MBD2: variants seen among roughly 807,000 people sequenced by gnomAD.
The protein encoded by MBD2 is methyl-CpG binding domain protein 2.
Under a neutral mutation model 39.3 loss-of-function variants are expected in MBD2, and 9 were observed. The ratio of observed to expected loss-of-function variants is 0.23; its 90% confidence interval spans 0.14 to 0.40. The LOEUF is 0.40. MBD2 is among the 10% of genes least tolerant of loss of function. MBD2 has a pLI of 1.00. For missense variants in MBD2, 458 were observed against 532.6 expected (o/e 0.86, Z 1.38); for synonymous variants, 233 against 211.1 (o/e 1.10, Z -0.90).
chr18:54,221,450 T>C lies in MBD2; in HGVS notation c.542+2568A>G, dbSNP rs1194178977. Among the ~76,000 whole-genome samples the C allele has an allele frequency of 7.4e-4, 80 of 107,448 alleles. 1 individual carries two copies. In the South Asian group the frequency reaches 0.02, roughly 27 times the overall value. 70.5% of individuals were successfully genotyped at this position (107,448 alleles called of 152,430 possible). On this transcript the variant is annotated intron_variant, in intron 1 of 6. Coordinates refer to ENST00000256429, the MANE Select transcript of MBD2 (RefSeq NM_003927.5). ...TCCAGCCTGGGCAACAGAGCAAGAC[T>C]CCGTCTCAAAAAAAAAAAAAAATTA...
intron 4 of MBD2, among the ~76,000 whole-genome samples, chr18:54,165,574 C>T (rs554628888): frequency 6.6e-6 from 1 of 152,302 alleles, no homozygotes; most frequent in East Asian, 1.9e-4. Context: ...GAGTTTTCCA[C>T]CCCAGATCCC....
intron 1 of MBD2, among the ~76,000 whole-genome samples, chr18:54,223,497 T>A (rs1327542252): frequency 1.3e-5 from 2 of 152,180 alleles, no homozygotes; most frequent in African/African-American, 4.8e-5. Flanking sequence ...TGTGTCAGTT[T>A]CAAAAGAGTA....
chr18:54,210,732 G>GC (rs760985893), intron 1 of MBD2, among the ~76,000 whole-genome samples: 4 of 152,072 alleles, frequency 2.6e-5, no homozygotes, highest in Non-Finnish European at 4.4e-5. Context: ...TAGCTAAACA[G>GC]CATGTTCAGA....
chr18:54,163,594 G>A (rs2086111109), intron 5 of MBD2, among the ~76,000 whole-genome samples: 1 of 152,034 alleles, frequency 6.6e-6, no homozygotes. Context: ...CTACCAATCT[G>A]AGCTGGATGT....
chr18:54,171,824 A>T (rs975895133), intron 3 of MBD2, among the ~76,000 whole-genome samples: 2 of 152,242 alleles, frequency 1.3e-5, no homozygotes, highest in African/African-American at 4.8e-5. Flanking sequence ...TATTACTCCC[A>T]TTTACAGATA....
At position 54,164,642 on chromosome 18, in the gene MBD2, G is replaced by C. The variant is rs77556742; in HGVS notation, c.990C>G (p.His330Gln). The C allele has an allele frequency of 6.2e-7, 1 of 1,614,094 alleles. No individual in the cohort carries two copies. Among genetic ancestry groups the C allele is most frequent in the Non-Finnish European group, 8.5e-7 (1 of 1,179,960 alleles). Residue 330 changes from histidine (H) to glutamine (Q), a missense_variant, in exon 5 of 7, where the codon CAC (histidine) becomes CAG (glutamine). Transcript: ENST00000256429. ...TLLSAVASAL[H>Q]TSSAPITGQV... is the part of the protein sequence containing the mutation. ...GCCCTGTGATTGGCGCAGAGCTTGT[G>C]TGCAAAGCACTGGCAACAGCAGATA...
At chr18:54,194,748 G>A (rs929991128) in intron 2 of MBD2, among the ~76,000 whole-genome samples, 5 of 151,976 alleles carry the variant, frequency 3.3e-5, no homozygotes, top group Admixed American at 2.0e-4. Flanking sequence ...TTTATTCCAC[G>A]CCATTCAAAT....
chr18:54,189,833 A>G (rs560588887), intron 2 of MBD2, among the ~76,000 whole-genome samples: 3 of 151,830 alleles, frequency 2.0e-5, no homozygotes, highest in South Asian at 4.2e-4. Context: ...TTTTTTTTGT[A>G]GAGATGGGGT....
chr18:54,155,895 A>T (rs182926895), intron 6 of MBD2, among the ~76,000 whole-genome samples: 1 of 152,040 alleles, frequency 6.6e-6, no homozygotes, highest in East Asian at 1.9e-4. Context: ...TACAGTCATC[A>T]TCTTCTTCTT....
At chr18:54,182,144 G>A (rs117263780) in intron 3 of MBD2, among the ~76,000 whole-genome samples, 3,248 of 152,000 alleles carry the variant, frequency 0.021, 47 homozygotes, top group Middle Eastern at 0.041. Flanking sequence ...CAAGGTGAAG[G>A]CTCAATAAAT....
chr18:54,191,977 ACT>A (rs969077797), intron 2 of MBD2, among the ~76,000 whole-genome samples: 7 of 152,204 alleles, frequency 4.6e-5, no homozygotes, highest in African/African-American at 1.7e-4. Flanking sequence ...TAGGTTGCTA[ACT>A]CTACGAAGTG....
intron 3 of MBD2, among the ~76,000 whole-genome samples, chr18:54,182,868 G>T (rs1455391556): frequency 2.0e-5 from 3 of 152,026 alleles, no homozygotes; most frequent in Non-Finnish European, 4.4e-5. Flanking sequence ...GGAGGTTGAA[G>T]CTGCAATGAG....
At chr18:54,170,742 G>A (rs749427936) in intron 3 of MBD2, among the ~76,000 whole-genome samples, 34 of 152,124 alleles carry the variant, frequency 2.2e-4, no homozygotes, top group Non-Finnish European at 4.1e-4. Flanking sequence ...CTACAAGGCC[G>A]ACTGCAATAA....
At chr18:54,187,599 A>C (rs2086294026) in intron 3 of MBD2, 1 of 752,402 alleles carries the variant, frequency 1.3e-6, no homozygotes, top group South Asian at 6.0e-5. Flanking sequence ...GTAGTAAAAC[A>C]GAAGGGAAAA....
chr18:54,186,294 C>G (rs2086285949), intron 3 of MBD2, among the ~76,000 whole-genome samples: 1 of 152,088 alleles, frequency 6.6e-6, no homozygotes, highest in Non-Finnish European at 1.5e-5. Context: ...TTCATTTACT[C>G]TCTAATAAAA....
intron 2 of MBD2, chr18:54,202,686 A>T: frequency 8.9e-7 from 1 of 1,120,386 alleles, no homozygotes; most frequent in Non-Finnish European, 1.1e-6. Context: ...AAAATAATGT[A>T]CGGTATAATT....
intron 3 of MBD2, among the ~76,000 whole-genome samples, chr18:54,173,127 C>T (rs774131243): frequency 2.0e-5 from 3 of 152,056 alleles, no homozygotes; most frequent in Non-Finnish European, 2.9e-5. Context: ...TCTTCCCTTC[C>T]CTTCCCTTTC....
chr18:54,156,717 G>A (rs1022194338), intron 6 of MBD2, among the ~76,000 whole-genome samples: 1 of 152,086 alleles, frequency 6.6e-6, no homozygotes, highest in Non-Finnish European at 1.5e-5. Flanking sequence ...ACTGGGCATG[G>A]TGTCAGGCAC....
At chr18:54,190,781 A>G (rs2086315155) in intron 2 of MBD2, among the ~76,000 whole-genome samples, 1 of 152,178 alleles carries the variant, frequency 6.6e-6, no homozygotes, top group East Asian at 1.9e-4. Context: ...GACTTACTGA[A>G]TATTATATTT....
Sources: allele counts gnomAD v4.1 joint callset (sites outside exome capture counted in the v4.1 genomes callset), GRCh38; gene constraint gnomAD v4.1.1; transcripts MANE v1.5; gene names NCBI Gene and HGNC (gene_info 2026-07-23, HGNC 2026-07-21).